Variants in CACNA1C observed in about 807,000 individuals in gnomAD.
The protein encoded by CACNA1C is voltage-dependent L-type calcium channel subunit alpha-1C.
A neutral mutation model predicts 229.0 loss-of-function variants in CACNA1C; 30 were observed. The observed-to-expected ratio is 0.13, with a 90% CI of 0.10 to 0.18. CACNA1C has a LOEUF of 0.18. Ranked by LOEUF, CACNA1C falls within the 10% of genes least tolerant of loss-of-function variation. CACNA1C has a pLI of 1.00. For synonymous variants in CACNA1C, 1,114 were observed against 1,132.5 expected, an observed-to-expected ratio of 0.98 and a Z score of 0.33; for missense variants, 1,658 against 2,845.0, an observed-to-expected ratio of 0.58 and a Z score of 9.49.
At chr12:2,448,859 C>A (rs2099326627) in intron 3 of CACNA1C, 117 bp from the exon 4 acceptor site, 4 of 810,984 alleles carry the variant, frequency 4.9e-6, no homozygotes, top group South Asian at 4.1e-5. Flanking sequence ...CCACTTGGTT[C>A]CACCACAGAG....
rs1482747162 is a variant in CACNA1C at position 2,654,562 on chromosome 12, A to G, written c.4141-585A>G. Among the ~76,000 whole-genome samples, 1 of 152,248 alleles carries G rather than the reference A, an allele frequency of 6.6e-6. No individual in the cohort carries two copies. The highest frequency in any genetic ancestry group is 1.5e-5 in the Non-Finnish European group (1 of 68,042). ...AAAGCGCTTCCTCGGCCGCTCCTTC[A>G]GGAAGTCCCCTACTTGCTCATCGCA... On this transcript the variant is annotated intron_variant, in intron 33 of 46. Coordinates refer to ENST00000399655, the MANE Select transcript of CACNA1C (RefSeq NM_000719.7). This position sits in a 1 kb window ranked among gnomAD's most constrained non-coding sequence, Gnocchi z 4.4.
chr12:2,502,500 C>T (rs1340788557), intron 7 of CACNA1C, among the ~76,000 whole-genome samples: 2 of 152,226 alleles, frequency 1.3e-5, no homozygotes, highest in African/African-American at 2.4e-5. Flanking sequence ...AGTAAACCCA[C>T]GTTCAATTGA....
chr12:2,665,868 AGGCCC>A lies in CACNA1C; in HGVS notation c.4526+164_4526+168del, dbSNP rs911926283. 8.5e-5 allele frequency among the ~76,000 whole-genome samples: 13 copies of A among 152,186 alleles called. No homozygotes were observed. The highest frequency in any genetic ancestry group is 3.1e-4 in the African/African-American group (13 of 41,438). On this transcript the variant is annotated intron_variant, in intron 36 of 46. Coordinates refer to ENST00000399655, the MANE Select transcript of CACNA1C (RefSeq NM_000719.7). This position sits in a 1 kb window ranked among gnomAD's most constrained non-coding sequence, Gnocchi z 5.9. Reference sequence around the variant, plus strand: ...TGAAAGGTCAAGGGCCAGCAGGAGGAGGCCCGGCACCTTCAATTAAGTCAAGAATG... The same window carrying A: ...TGAAAGGTCAAGGGCCAGCAGGAGGAGGCACCTTCAATTAAGTCAAGAATG...
chr12:2,556,117 A>G (rs1284359814), intron 10 of CACNA1C, among the ~76,000 whole-genome samples: 1 of 151,868 alleles, frequency 6.6e-6, no homozygotes. Context: ...AACTGCTTAC[A>G]TTCTCTCACT....
chr12:2,426,163 A>C (rs1420078406), intron 3 of CACNA1C, among the ~76,000 whole-genome samples: 2 of 152,214 alleles, frequency 1.3e-5, no homozygotes. Context: ...AAATCTTATC[A>C]ATCAATGAGC....
At chr12:2,437,035 A>G (rs1219056673) in intron 3 of CACNA1C, among the ~76,000 whole-genome samples, 1 of 152,252 alleles carries the variant, frequency 6.6e-6, no homozygotes, top group Non-Finnish European at 1.5e-5. Context: ...TTGTGCTGGT[A>G]TGCCTCTCTG....
intron 5 of CACNA1C, among the ~76,000 whole-genome samples, chr12:2,464,192 C>T (rs925011545): frequency 6.6e-6 from 1 of 152,124 alleles, no homozygotes; most frequent in African/African-American, 2.4e-5. Context: ...ACTGAAAAAT[C>T]ACCTTTCTGT....
chr12:2,120,562 A>G (rs750118762), intron 3 of CACNA1C, 132 bp downstream of exon 3: 2 of 701,284 alleles, frequency 2.9e-6, no homozygotes, highest in Non-Finnish European at 5.2e-6. Context: ...CAGAGCTCAC[A>G]TCCCGAGTGC....
intron 3 of CACNA1C, among the ~76,000 whole-genome samples, chr12:2,417,653 A>G (rs1440239816): frequency 1.3e-5 from 2 of 152,154 alleles, no homozygotes; most frequent in Non-Finnish European, 2.9e-5. Flanking sequence ...CAGAAACATT[A>G]ATCTGTGCTA....
chr12:2,557,196 T>TC (rs1175436874), intron 11 of CACNA1C, among the ~76,000 whole-genome samples: 1 of 152,236 alleles, frequency 6.6e-6, no homozygotes, highest in East Asian at 1.9e-4. Context: ...TCTTGGACTG[T>TC]CCATCTTTTT....
intron 3 of CACNA1C, among the ~76,000 whole-genome samples, chr12:2,140,689 A>T (rs923934322): frequency 6.6e-6 from 1 of 151,420 alleles, no homozygotes; most frequent in African/African-American, 2.4e-5. Flanking sequence ...ATTTGACTTC[A>T]TATGAGCACA....
At chr12:2,248,961 G>A (rs896769628) in intron 3 of CACNA1C, among the ~76,000 whole-genome samples, 11 of 152,172 alleles carry the variant, frequency 7.2e-5, no homozygotes, top group Admixed American at 2.0e-4. Flanking sequence ...ACCGTGCCTG[G>A]CGTAAAATAG....
intron 3 of CACNA1C, among the ~76,000 whole-genome samples, chr12:2,401,617 C>G (rs945405211): frequency 8.5e-5 from 13 of 152,350 alleles, no homozygotes; most frequent in Admixed American, 6.5e-4. Context: ...GTGTGATTCC[C>G]AGCTCTTCCA....
At chr12:2,109,746 A>T (rs1178615329) in intron 1 of CACNA1C, among the ~76,000 whole-genome samples, 2 of 152,216 alleles carry the variant, frequency 1.3e-5, no homozygotes, top group African/African-American at 4.8e-5. Context: ...TGGCTACTGC[A>T]GCACTTGTGG....
intron 29 of CACNA1C, chr12:2,613,520 A>G (rs1321366476): frequency 6.6e-6 from 1 of 152,232 alleles, no homozygotes; most frequent in South Asian, 2.1e-4. Context: ...CTGTCACTCA[A>G]AGAATGCCTG....
chr12:2,572,596 T>TC (rs2056202577), intron 13 of CACNA1C, among the ~76,000 whole-genome samples: 1 of 106,442 alleles, frequency 9.4e-6, no homozygotes, highest in African/African-American at 3.6e-5. Context: ...CTCCTTCTCC[T>TC]CTCCTCCTCC....
chr12:2,570,458 T>A (rs2053751047), intron 13 of CACNA1C, among the ~76,000 whole-genome samples: 1 of 152,146 alleles, frequency 6.6e-6, no homozygotes, highest in South Asian at 2.1e-4. Flanking sequence ...CAGAAAGGAC[T>A]CAATATGCAG....
intron 3 of CACNA1C, among the ~76,000 whole-genome samples, chr12:2,240,539 G>A (rs1366242841): frequency 6.6e-6 from 1 of 152,180 alleles, no homozygotes; most frequent in Admixed American, 6.5e-5. Context: ...TATGGTGACA[G>A]CGGCCTGAGC....
intron 30 of CACNA1C, among the ~76,000 whole-genome samples, chr12:2,637,216 G>T (rs1156839217): frequency 6.6e-6 from 1 of 152,108 alleles, no homozygotes. Flanking sequence ...AGAGGAATGT[G>T]GTATTTACAG....
Sources: allele counts gnomAD v4.1 joint callset (sites outside exome capture counted in the v4.1 genomes callset), GRCh38; gene constraint gnomAD v4.1.1; non-coding constraint Gnocchi (gnomAD v3.1); transcripts MANE v1.5; gene names NCBI Gene and HGNC (gene_info 2026-07-23, HGNC 2026-07-21).